Variants in HLA-DQB2 observed in about 807,000 individuals in gnomAD.
The protein encoded by HLA-DQB2 is HLA class II histocompatibility antigen, DQ beta 2 chain.
HLA-DQB2 carries 24 observed loss-of-function variants against 29.2 expected under a neutral mutation model. The ratio of observed to expected loss-of-function variants is 0.82; its 90% CI spans 0.60 to 1.16. The LOEUF (loss-of-function observed/expected upper bound fraction) is 1.16. Among genes scored for constraint, HLA-DQB2 ranks in the 50% most tolerant of loss-of-function variants. The pLI is 0.00. For missense variants in HLA-DQB2, 273 were observed against 343.6 expected, an observed-to-expected ratio of 0.79 and a Z score of 1.62; for synonymous variants, 104 against 133.1, an observed-to-expected ratio of 0.78 and a Z score of 1.51.
rs1764878093 is a variant in HLA-DQB2 at position 32,761,937 on chromosome 6, T to A, written c.98-11A>T. 1.3e-6 allele frequency: 2 copies of A among 1,596,630 alleles called. No individual in the cohort carries two copies. Among genetic ancestry groups the A allele is most frequent in the Non-Finnish European group, 1.7e-6 (2 of 1,172,554 alleles). ...GGACCAAGAAATCCTCTGCGGAGAA[T>A]CACGGCGGGTCAGTCAGGCCCCAGC... On this transcript the variant is annotated splice_polypyrimidine_tract_variant and intron_variant, in intron 1 of 5. Transcript: ENST00000437316.
At chr6:32,757,937 G>A (rs1464490329) in intron 3 of HLA-DQB2, 54 bp from the exon 4 acceptor site, 1 of 1,213,374 alleles carries the variant, frequency 8.2e-7, no homozygotes, top group Non-Finnish European at 1.2e-6. Context: ...TAATGTCCTT[G>A]GTACAGGAGG....
Position 32,761,828 on chromosome 6 carries a change from C to G in HLA-DQB2, c.196G>C (p.Gly66Arg), listed in dbSNP as rs1316020684. 6.2e-7 allele frequency: 1 copy of G among 1,606,146 alleles called. No homozygotes were observed. Among genetic ancestry groups the G allele is most frequent in the Non-Finnish European group, 8.5e-7 (1 of 1,176,316 alleles). The change falls in exon 2 of 6, where the codon GGG becomes CGG. Residue 66 changes from glycine to arginine, a missense_variant. Physicochemically the swap from Gly to Arg is moderately radical, Grantham distance 125 (BLOSUM62 -2). Coordinates refer to ENST00000437316, the MANE Select transcript of HLA-DQB2 (RefSeq NM_001300790.2). ...TCCCCAACGTCGCTGTCGAAGCGCC[C>G]GTACTCCTCGCGGTTATAGATGTAT... ...ARYIYNREEY[G>R]RFDSDVGEFQ...
At chr6:32,762,038 C>G in intron 1 of HLA-DQB2, 112 bp from the exon 2 acceptor site, 1 of 1,413,488 alleles carries the variant, frequency 7.1e-7, no homozygotes, top group Non-Finnish European at 9.5e-7. Flanking sequence ...CTGCGAAACC[C>G]GTCCACGCGA....
At chr6:32,759,767 C>T (rs797007388) in intron 2 of HLA-DQB2, among the ~76,000 whole-genome samples, 16,506 of 132,202 alleles carry the variant, frequency 0.12, no homozygotes, top group Middle Eastern at 0.16. Flanking sequence ...CAGACATTAT[C>T]ATGTACGTTC....
At chr6:32,757,048 C>G (rs1364082632) in intron 5 of HLA-DQB2, 3 of 1,389,806 alleles carry the variant, frequency 2.2e-6, no homozygotes, top group Admixed American at 3.0e-5. Context: ...GAGACAGACT[C>G]TAGCTCTATC....
In HLA-DQB2 at chr6:32,761,751, A is replaced by G. The variant is rs1167273080; in HGVS notation, c.273T>C (p.Tyr91=). ...CCCGCTCCTGCTCCAAGAAGTCCTT[A>G]TAGTTGTTCCAGTCCTCGATGCTCC... ...LGRSIEDWNN[Y]KDFLEQERAA... is the part of the protein sequence containing the mutation. The change falls in exon 2 of 6, where the codon TAT becomes TAC. Residue 91 remains tyrosine, a synonymous_variant. Coordinates refer to ENST00000437316, the MANE Select transcript of HLA-DQB2 (RefSeq NM_001300790.2). 1.3e-6 allele frequency: 2 copies of G among 1,561,546 alleles called. No homozygotes were observed. Among genetic ancestry groups the G allele is most frequent in the African/African-American group, 2.7e-5 (2 of 73,040 alleles).
rs1482423188 is a variant in HLA-DQB2 at position 32,761,718 on chromosome 6, C to T, written c.306G>A (p.Val102=). ...KDFLEQERAA[V]DKVCRHNYEA... ...CGTAGTTGTGTCTGCACACCTTGTCCACCGCGGCCCGCTCCTGCTCCAAGA... is the reference window on the plus strand; with the variant it reads ...CGTAGTTGTGTCTGCACACCTTGTCTACCGCGGCCCGCTCCTGCTCCAAGA... The change falls in exon 2 of 6, where the codon GTG becomes GTA. Residue 102 remains valine (V), a synonymous_variant. Coordinates refer to ENST00000437316, the MANE Select transcript of HLA-DQB2 (RefSeq NM_001300790.2). 1 of 1,553,344 alleles carries T rather than the reference C, an allele frequency of 6.4e-7. No homozygotes were observed.
chr6:32,761,310 G>A (rs1302039134), intron 2 of HLA-DQB2, among the ~76,000 whole-genome samples: 4 of 152,124 alleles, frequency 2.6e-5, no homozygotes, highest in Non-Finnish European at 5.9e-5. Flanking sequence ...GGGCATTCGG[G>A]CAGAAAGAAC....
rs1284695999 is a variant in HLA-DQB2 at position 32,761,648 on chromosome 6, G to C, written c.364+12C>G. 12 of 1,542,046 alleles carry C rather than the reference G, an allele frequency of 7.8e-6. No homozygotes were observed. The East Asian group carries it at 2.9e-4, about 38-fold the overall frequency. On this transcript the variant is annotated intron_variant, in intron 2 of 5. Transcript: ENST00000437316. ...CCAAGGGTGAGCCCCGCGGAAGGAC[G>C]ACGACGCTCACCTTGCCGCTGCAAG...
Position 32,761,856 on chromosome 6 carries a change from G to A in HLA-DQB2, c.168C>T (p.Ala56=). ...TNGTERVRGV[A]RYIYNREEYG... is the part of the protein sequence containing the mutation. ...ACTCCTCGCGGTTATAGATGTATCT[G>A]GCCACACCGCGCACGCGCTCTGTCC... The change falls in exon 2 of 6, where the codon GCC becomes GCT. Residue 56 remains alanine, a synonymous_variant. Transcript: ENST00000437316. 6.2e-7 allele frequency: 1 copy of A among 1,611,436 alleles called. No homozygotes were observed. The highest frequency in any genetic ancestry group is 8.5e-7 in the Non-Finnish European group (1 of 1,178,860).
Position 32,756,475 on chromosome 6 carries a change from G to A in HLA-DQB2, c.782-9C>T, listed in dbSNP as rs1287640456. The A allele has an allele frequency of 1.3e-6, 2 of 1,573,364 alleles. No homozygotes were observed. The highest frequency in any genetic ancestry group is 1.7e-6 in the Non-Finnish European group (2 of 1,154,016). On this transcript the variant is annotated splice_polypyrimidine_tract_variant and intron_variant, in intron 5 of 5. Coordinates refer to ENST00000437316, the MANE Select transcript of HLA-DQB2 (RefSeq NM_001300790.2). The stretch of plus-strand genomic sequence containing the variant: ...GAGTCAGTGCAGGAGTCCTGGAGAA[G>A]AGAGACGAGGCATGATCAGCACAGG...
intron 3 of HLA-DQB2, among the ~76,000 whole-genome samples, chr6:32,758,439 T>A (rs1484599149): frequency 2.6e-5 from 4 of 152,184 alleles, no homozygotes; most frequent in African/African-American, 9.7e-5. Flanking sequence ...AGCTTCCATA[T>A]GTCTCCCCAT....
chr6:32,761,591 G>A, intron 2 of HLA-DQB2, 69 bp downstream of exon 2: 1 of 1,420,258 alleles, frequency 7.0e-7, no homozygotes, highest in Non-Finnish European at 9.2e-7. Flanking sequence ...CGCCGTCCTC[G>A]CCCCTCTGTG....
chr6:32,757,074 C>T, intron 5 of HLA-DQB2: 1 of 1,419,126 alleles, frequency 7.0e-7, no homozygotes, highest in African/African-American at 1.5e-5. Flanking sequence ...GACTGGAGTG[C>T]AGTGGCGCCA....
Sources: gnomAD v4.1 joint callset for allele counts (sites outside exome capture counted in the v4.1 genomes callset) on GRCh38, gnomAD v4.1.1 for gene constraint, MANE v1.5 for transcripts, NCBI Gene and HGNC (gene_info 2026-07-23, HGNC 2026-07-21) for gene names.